Variants in CAMKMT observed in about 807,000 individuals in gnomAD.
The protein encoded by CAMKMT is calmodulin-lysine N-methyltransferase.
A neutral mutation model predicts 48.0 loss-of-function variants in CAMKMT; 53 were observed. The observed-to-expected ratio is 1.10, with a 90% CI of 0.89 to 1.39. The LOEUF (loss-of-function observed/expected upper bound fraction) is 1.39, where lower values mean the gene tolerates loss of function less well. Among genes scored for constraint, CAMKMT ranks in the 40% most tolerant of loss-of-function variants. CAMKMT has a pLI of 0.00. For synonymous variants in CAMKMT, 165 were observed against 152.3 expected (o/e 1.08, Z -0.61); for missense variants, 428 against 402.7 (o/e 1.06, Z -0.54).
intron 3 of CAMKMT, among the ~76,000 whole-genome samples, chr2:44,555,358 C>T (rs1345075348): frequency 1.3e-5 from 2 of 152,104 alleles, no homozygotes; most frequent in African/African-American, 2.4e-5. Flanking sequence ...GGACAAGGGA[C>T]AGGTGGGAGT....
chr2:44,662,279 G>T (rs773075708), intron 3 of CAMKMT, among the ~76,000 whole-genome samples: 1 of 152,130 alleles, frequency 6.6e-6, no homozygotes, highest in Non-Finnish European at 1.5e-5. Flanking sequence ...CGTCTTAAAA[G>T]TATGATGCCT....
chr2:44,530,665 G>T (rs1558681702), intron 3 of CAMKMT, among the ~76,000 whole-genome samples: 1 of 152,012 alleles, frequency 6.6e-6, no homozygotes, highest in African/African-American at 2.4e-5. Flanking sequence ...CATTTTATTT[G>T]ATGAATTATT....
At chr2:44,410,495 T>G (rs1392600239) in intron 3 of CAMKMT, among the ~76,000 whole-genome samples, 1 of 151,296 alleles carries the variant, frequency 6.6e-6, no homozygotes, top group African/African-American at 2.4e-5. Flanking sequence ...CAAGACTCTT[T>G]TTGTGATTTA....
At chr2:44,764,293 GGTAA>G (rs1478649717) in intron 9 of CAMKMT, among the ~76,000 whole-genome samples, 2 of 152,120 alleles carry the variant, frequency 1.3e-5, no homozygotes, top group African/African-American at 4.8e-5. Flanking sequence ...TTTTCTTACG[GGTAA>G]GTGAGGGCGA....
intron 2 of CAMKMT, among the ~76,000 whole-genome samples, chr2:44,373,741 A>G (rs193142529): frequency 7.5e-4 from 114 of 152,342 alleles, no homozygotes; most frequent in Non-Finnish European, 1.3e-3. Flanking sequence ...AAGCTTTAAA[A>G]CATAATAGCT....
At chr2:44,474,988 G>A (rs1369287054) in intron 3 of CAMKMT, among the ~76,000 whole-genome samples, 1 of 152,180 alleles carries the variant, frequency 6.6e-6, no homozygotes, top group East Asian at 1.9e-4. Context: ...CTGAGACATA[G>A]TGATAGATGA....
intron 7 of CAMKMT, among the ~76,000 whole-genome samples, 185 bp downstream of exon 7, chr2:44,715,538 A>T (rs1462060144): frequency 6.6e-6 from 1 of 152,148 alleles, no homozygotes; most frequent in Non-Finnish European, 1.5e-5. Context: ...GCAGACAGAC[A>T]CTCTCATTAG....
intron 3 of CAMKMT, among the ~76,000 whole-genome samples, chr2:44,550,363 C>G (rs1324516645): frequency 6.6e-5 from 10 of 150,600 alleles, no homozygotes; most frequent in Non-Finnish European, 1.0e-4. Context: ...GCACTCCAGC[C>G]TGGGTGACAG....
At chr2:44,696,951 G>A (rs752465959) in intron 3 of CAMKMT, among the ~76,000 whole-genome samples, 1 of 152,042 alleles carries the variant, frequency 6.6e-6, no homozygotes, top group African/African-American at 2.4e-5. Flanking sequence ...CAATAAAAAG[G>A]TTAGAAGATA....
intron 3 of CAMKMT, among the ~76,000 whole-genome samples, chr2:44,464,976 A>G (rs949734379): frequency 6.6e-6 from 1 of 152,212 alleles, no homozygotes; most frequent in Non-Finnish European, 1.5e-5. Flanking sequence ...ACTTAATTCC[A>G]AAGTGATTCC....
intron 6 of CAMKMT, 79 bp from the exon 7 acceptor site, chr2:44,715,208 A>AAAG: frequency 1.1e-6 from 1 of 940,514 alleles, no homozygotes; most frequent in Non-Finnish European, 1.6e-6. Flanking sequence ...AAAAAAAAAA[A>AAAG]AAAAGATAAC....
chr2:44,702,479 T>A (rs1677309719), intron 3 of CAMKMT, among the ~76,000 whole-genome samples: 1 of 152,148 alleles, frequency 6.6e-6, no homozygotes, highest in South Asian at 2.1e-4. Flanking sequence ...ATTTTACTCA[T>A]CTCTCAGGCC....
intron 3 of CAMKMT, among the ~76,000 whole-genome samples, chr2:44,619,453 G>T (rs918778555): frequency 8.8e-6 from 1 of 113,250 alleles, no homozygotes; most frequent in Non-Finnish European, 2.0e-5. Flanking sequence ...AATTTTAGCT[G>T]ATTATGTGTG....
chr2:44,402,440 C>T (rs1467343142), intron 3 of CAMKMT, among the ~76,000 whole-genome samples: 2 of 150,592 alleles, frequency 1.3e-5, no homozygotes, highest in African/African-American at 2.4e-5. Flanking sequence ...GCTATTCTAA[C>T]TTATCATTTT....
chr2:44,600,834 CAGAT>C (rs1670942130), intron 3 of CAMKMT, among the ~76,000 whole-genome samples: 1 of 152,038 alleles, frequency 6.6e-6, no homozygotes, highest in African/African-American at 2.4e-5. Context: ...TCTTTTCTAT[CAGAT>C]GGAGATTAAA....
At chr2:44,494,513 A>G (rs1324093958) in intron 3 of CAMKMT, among the ~76,000 whole-genome samples, 1 of 152,236 alleles carries the variant, frequency 6.6e-6, no homozygotes, top group Non-Finnish European at 1.5e-5. Flanking sequence ...GTCATGCAGA[A>G]TGTGAAATGT....
At chr2:44,536,097 G>T (rs896208351) in intron 3 of CAMKMT, among the ~76,000 whole-genome samples, 7 of 152,024 alleles carry the variant, frequency 4.6e-5, no homozygotes, top group African/African-American at 1.7e-4. Flanking sequence ...AATCAAATAA[G>T]TAATCTCATT....
intron 7 of CAMKMT, among the ~76,000 whole-genome samples, chr2:44,726,274 C>A (rs765614294): frequency 6.6e-6 from 1 of 152,198 alleles, no homozygotes; most frequent in Non-Finnish European, 1.5e-5. Context: ...CTTTTCTCCA[C>A]AGCCTCGCCA....
intron 3 of CAMKMT, among the ~76,000 whole-genome samples, chr2:44,461,505 G>C (rs1489358485): frequency 6.6e-6 from 1 of 152,144 alleles, no homozygotes; most frequent in Non-Finnish European, 1.5e-5. Context: ...GTTACTCTAT[G>C]GCAACCTGAA....
Sources: allele counts gnomAD v4.1 joint callset (sites outside exome capture counted in the v4.1 genomes callset), GRCh38; gene constraint gnomAD v4.1.1; transcripts MANE v1.5; gene names NCBI Gene and HGNC (gene_info 2026-07-23, HGNC 2026-07-21).